SMARCC2: variants seen among roughly 807,000 people sequenced by gnomAD.
SMARCC2 encodes SWI/SNF related BAF chromatin remodeling complex subunit C2.
A neutral mutation model predicts 151.3 loss-of-function variants in SMARCC2; 15 were observed. The observed-to-expected ratio is 0.10, with a 90% CI of 0.07 to 0.15. The LOEUF (loss-of-function observed/expected upper bound fraction) is 0.15, where lower values mean the gene tolerates loss of function less well. SMARCC2 is among the 10% of genes least tolerant of loss of function. The pLI is 1.00. For synonymous variants in SMARCC2, 590 were observed against 609.5 expected (o/e 0.97, Z 0.47); for missense variants, 1,031 against 1,599.7 (o/e 0.64, Z 6.06).
At position 56,171,656 on chromosome 12, in the gene SMARCC2, G is replaced by C; in HGVS notation, c.2185+23C>G. ...TTCAAAAGCAAACTAAGAAGGCCAG[G>C]TGGAACCACCCACCCCCATTACCTA... On this transcript the variant is annotated intron_variant, in intron 21 of 28. Coordinates refer to ENST00000550164, the MANE Select transcript of SMARCC2 (RefSeq NM_001330288.2). The surrounding 1 kb of genome is among the most constrained non-coding windows in gnomAD (Gnocchi z 4.2). 6.6e-7 allele frequency: 1 copy of C among 1,526,716 alleles called. No individual in the cohort carries two copies. Among genetic ancestry groups the C allele is most frequent in the Non-Finnish European group, 8.8e-7 (1 of 1,139,878 alleles). The allele number at this position is 1,526,716 out of a possible 1,614,324, so 94.6% of individuals were successfully genotyped here.
In SMARCC2 at chr12:56,163,759, C is replaced by G; in HGVS notation, c.3668G>C (p.Gly1223Ala). ...LPSASPLPDP[G>A]TPLPPDPTAP... The stretch of plus-strand genomic sequence containing the variant: ...TGTGGGGTCTGGAGGCAGGGGGGTG[C>G]CTGGGTCTGTGGAGAAAAGGAAGAT... Residue 1223 changes from glycine to alanine, a missense_variant, in exon 29 of 29, where the codon GGC becomes GCC. Gly to Ala is a moderately conservative substitution (Grantham distance 60). Around this residue, in one of 12 missense-constraint regions of SMARCC2, gnomAD observed 310 missense variants for 350.0 expected, o/e 0.89. Coordinates refer to ENST00000550164, the MANE Select transcript of SMARCC2 (RefSeq NM_001330288.2). 1 of 1,512,170 alleles carries G rather than the reference C, an allele frequency of 6.6e-7. No individual in the cohort carries two copies. The highest frequency in any genetic ancestry group is 1.3e-5 in the South Asian group (1 of 75,494). The allele number at this position is 1,512,170 out of a possible 1,614,324, so 93.7% of individuals were successfully genotyped here.
At chr12:56,181,640 C>A in intron 9 of SMARCC2, 43 bp from the exon 10 acceptor site, 2 of 1,612,162 alleles carry the variant, frequency 1.2e-6, no homozygotes, top group Non-Finnish European at 1.7e-6. Flanking sequence ...CTACAATCCC[C>A]ACTGAAGATT....
intron 11 of SMARCC2, among the ~76,000 whole-genome samples, chr12:56,179,749 C>T (rs903869331): frequency 4.6e-5 from 7 of 151,456 alleles, no homozygotes; most frequent in African/African-American, 1.5e-4. Context: ...TGCAGTGGTG[C>T]GATCTCGGCT....
chr12:56,178,267 C>T, intron 14 of SMARCC2, 137 bp downstream of exon 14: 13 of 1,072,676 alleles, frequency 1.2e-5, no homozygotes, highest in Non-Finnish European at 1.8e-5. Context: ...AAGGAGCTCC[C>T]CTAAAACTAA....
At chr12:56,173,277 C>A (rs748038218) in intron 17 of SMARCC2, among the ~76,000 whole-genome samples, 1 of 152,188 alleles carries the variant, frequency 6.6e-6, no homozygotes, top group South Asian at 2.1e-4. Flanking sequence ...ACTCTGTGAC[C>A]TTGGGCAAGC....
Position 56,173,683 on chromosome 12 carries a change from C to T in SMARCC2, c.1650+13G>A. On this transcript the variant is annotated intron_variant, in intron 17 of 28. Transcript: ENST00000550164. ...TTCCCAACCCGCCCCATCCCCATAGCACCTCACCCTACCTGAGGTGTCTTG... is the reference window on the plus strand; with the variant it reads ...TTCCCAACCCGCCCCATCCCCATAGTACCTCACCCTACCTGAGGTGTCTTG... 2 of 1,607,668 alleles carry T rather than the reference C, an allele frequency of 1.2e-6. No homozygotes were observed. Among genetic ancestry groups the T allele is most frequent in the Non-Finnish European group, 1.7e-6 (2 of 1,176,482 alleles).
intron 28 of SMARCC2, among the ~76,000 whole-genome samples, 172 bp downstream of exon 28, chr12:56,164,131 G>T (rs1872313140): frequency 6.6e-6 from 1 of 152,230 alleles, no homozygotes; most frequent in South Asian, 2.1e-4. Flanking sequence ...CCAGGCTGGG[G>T]AATGGTGGAG....
chr12:56,178,964 C>G lies in SMARCC2; in HGVS notation c.1141+33G>C, dbSNP rs939634090. 7 of 1,612,532 alleles carry G rather than the reference C, an allele frequency of 4.3e-6. No individual in the cohort carries two copies. The Admixed American group carries it at 1.0e-4, about 23-fold the overall frequency. The stretch of plus-strand genomic sequence containing the variant: ...GCTGAGCCCTCCCCTTCCCTTGGCT[C>G]TGACTGCCGTGCCCAAGAGGCTCCT... On this transcript the variant is annotated intron_variant, in intron 12 of 28. Transcript: ENST00000550164.
rs1384714183 is a variant in SMARCC2, at chr12:56,173,818, T to A, written c.1528A>T (p.Ile510Phe). The change falls in exon 17 of 29, where the codon ATT (isoleucine) becomes TTT (phenylalanine). Residue 510 changes from isoleucine (I) to phenylalanine (F), a missense_variant. Coordinates refer to ENST00000550164, the MANE Select transcript of SMARCC2 (RefSeq NM_001330288.2). ...VHAFLEQWGL[I>F]NYQVDAESRP... ...CTCTCAGCATCCACCTGGTAGTTAA[T>A]AAGACCCCACTGTTCTAGGAAGGCA... 6.2e-7 allele frequency: 1 copy of A among 1,613,852 alleles called. No homozygotes were observed. The highest frequency in any genetic ancestry group is 1.1e-5 in the South Asian group (1 of 91,056).
chr12:56,171,865 T>C lies in SMARCC2; in HGVS notation c.1999A>G (p.Ile667Val). The C allele has an allele frequency of 6.2e-7, 1 of 1,614,128 alleles. No individual in the cohort carries two copies. The highest frequency in any genetic ancestry group is 8.5e-7 in the Non-Finnish European group (1 of 1,179,966). Residue 667 changes from isoleucine to valine, a missense_variant, in exon 21 of 29, where the codon ATC (isoleucine) becomes GTC (valine). By Grantham distance (29) the Ile-to-Val change is conservative. Coordinates refer to ENST00000550164, the MANE Select transcript of SMARCC2 (RefSeq NM_001330288.2). The surrounding 1 kb of genome is among the most constrained non-coding windows in gnomAD (Gnocchi z 4.2). Reference protein sequence around the residue: ...HVGSRTQDECILHFLRLPIED... With the variant: ...HVGSRTQDECVLHFLRLPIED... ...ATGGGAAGACGAAGAAAATGCAAGATGCACTCGTCCTGTGTGCGGCTTCCC... is the reference window on the plus strand; with the variant it reads ...ATGGGAAGACGAAGAAAATGCAAGACGCACTCGTCCTGTGTGCGGCTTCCC...
rs1872019176 is a variant in SMARCC2 at position 56,162,532 on chromosome 12, G to A, written c.*1157C>T. The A allele has an allele frequency of 3.8e-6, 2 of 524,488 alleles. No homozygotes were observed. Among genetic ancestry groups the A allele is most frequent in the Non-Finnish European group, 6.7e-6 (2 of 299,606 alleles). 32.5% of individuals were successfully genotyped at this position (524,488 alleles called of 1,614,324 possible). The stretch of plus-strand genomic sequence containing the variant: ...AGGAACCAAGAAGAACCAGTGCAGA[G>A]CCTGGAGTCACACCTGCCTTCCCGT... On this transcript the variant is annotated 3_prime_UTR_variant, in exon 29 of 29. Coordinates refer to ENST00000550164, the MANE Select transcript of SMARCC2 (RefSeq NM_001330288.2).
chr12:56,168,953 C>T (rs1351514820), intron 25 of SMARCC2, among the ~76,000 whole-genome samples: 1 of 149,192 alleles, frequency 6.7e-6, no homozygotes, highest in East Asian at 2.1e-4. Context: ...GCACTCCAGC[C>T]TGGGCAACAG....
intron 28 of SMARCC2, among the ~76,000 whole-genome samples, chr12:56,164,044 T>A (rs12306670): frequency 0.033 from 5,012 of 152,254 alleles, 268 homozygotes; most frequent in African/African-American, 0.11. Flanking sequence ...AGTTTACAAC[T>A]GAGATGCTCT....
intron 2 of SMARCC2, 85 bp downstream of exon 2, chr12:56,187,102 A>G: frequency 7.0e-7 from 1 of 1,420,966 alleles, no homozygotes; most frequent in Non-Finnish European, 9.6e-7. Flanking sequence ...TACAAAATTC[A>G]CAAATCTTTT....
At position 56,171,455 on chromosome 12, in the gene SMARCC2, G is replaced by A. The variant is rs373139329; in HGVS notation, c.2186-23C>T. On this transcript the variant is annotated intron_variant, in intron 21 of 28. Coordinates refer to ENST00000550164, the MANE Select transcript of SMARCC2 (RefSeq NM_001330288.2). The surrounding 1 kb of genome is among the most constrained non-coding windows in gnomAD (Gnocchi z 4.2). The stretch of plus-strand genomic sequence containing the variant: ...CCTCTGCAAGACCCAGAAAGAATGA[G>A]GCTGGGAGCGGCACAGTGGAACAGT... 43 of 1,613,920 alleles carry A rather than the reference G, an allele frequency of 2.7e-5. No individual in the cohort carries two copies. The highest frequency in any genetic ancestry group is 3.6e-5 in the Non-Finnish European group (42 of 1,179,886).
At chr12:56,181,440 G>A in intron 10 of SMARCC2, 42 bp downstream of exon 10, 1 of 1,192,802 alleles carries the variant, frequency 8.4e-7, no homozygotes, top group Non-Finnish European at 1.2e-6. Context: ...ACATGATGTG[G>A]AGAGAATGGT....
Position 56,186,220 on chromosome 12 carries a change from G to C in SMARCC2, c.252C>G (p.Phe84Leu), listed in dbSNP as rs2135755992. 6.2e-7 allele frequency: 1 copy of C among 1,610,962 alleles called. No homozygotes were observed. Among genetic ancestry groups the C allele is most frequent in the Non-Finnish European group, 8.5e-7 (1 of 1,177,190 alleles). ...TKLPIKCFLD[F>L]KAGGSLCHIL... ...TGTGGCACAAGGAGCCTCCCGCTTT[G>C]AAATCTAGGAAACATTTGATCTACA... The change falls in exon 3 of 29, where the codon TTC becomes TTG. Residue 84 changes from phenylalanine to leucine, a missense_variant. Phe to Leu is a conservative substitution (Grantham distance 22). Around this residue, in one of 12 missense-constraint regions of SMARCC2, gnomAD observed 22 missense variants for 23.4 expected, o/e 0.94. Transcript: ENST00000550164.
At chr12:56,164,913 G>A (rs1423408203) in intron 27 of SMARCC2, among the ~76,000 whole-genome samples, 182 bp from the exon 28 acceptor site, 8 of 152,018 alleles carry the variant, frequency 5.3e-5, no homozygotes, top group African/African-American at 9.7e-5. Flanking sequence ...TCAGCCTCCC[G>A]AGTAGCTGGT....
At chr12:56,186,468 A>T in intron 2 of SMARCC2, 1 of 498,950 alleles carries the variant, frequency 2.0e-6, no homozygotes, top group Admixed American at 3.4e-5. Flanking sequence ...CTCCTGTCTC[A>T]GCCTCCTGAG....
Sources: gnomAD v4.1 joint callset for allele counts (sites outside exome capture counted in the v4.1 genomes callset) on GRCh38, gnomAD v4.1.1 for gene constraint, gnomAD v4.1.1 regional missense constraint, Gnocchi (gnomAD v3.1) non-coding constraint, MANE v1.5 for transcripts, NCBI Gene and HGNC (gene_info 2026-07-23, HGNC 2026-07-21) for gene names.